The following CSMD1 variants were observed in gnomAD, a reference collection of about 807,000 sequenced individuals.
CSMD1 encodes CUB and sushi domain-containing protein 1.
A neutral mutation model predicts 417.5 loss-of-function variants in CSMD1; 213 were observed. The ratio of observed to expected loss-of-function variants is 0.51; its 90% CI spans 0.46 to 0.57. CSMD1 has a LOEUF of 0.57. Ranked by LOEUF, CSMD1 falls within the 20% of genes least tolerant of loss-of-function variation. The pLI is 0.00. For synonymous variants in CSMD1, 2,862 were observed against 1,736.8 expected, an observed-to-expected ratio of 1.65 and a Z score of -16.11; for missense variants, 6,923 against 4,529.7, an observed-to-expected ratio of 1.53 and a Z score of -15.17.
intron 5 of CSMD1, among the ~76,000 whole-genome samples, chr8:3,820,088 T>G (rs985375740): frequency 6.6e-6 from 1 of 152,170 alleles, no homozygotes; most frequent in African/African-American, 2.4e-5. Context: ...TGATTCTGCA[T>G]TTTCTTCAGG....
chr8:3,547,545 G>C (rs1453266566), intron 10 of CSMD1, among the ~76,000 whole-genome samples: 1 of 152,034 alleles, frequency 6.6e-6, no homozygotes, highest in Non-Finnish European at 1.5e-5. Context: ...TTTTTCCAAA[G>C]TCTCATACAA....
intron 3 of CSMD1, among the ~76,000 whole-genome samples, chr8:4,220,484 A>C (rs1032899922): frequency 6.6e-6 from 1 of 152,212 alleles, no homozygotes; most frequent in Admixed American, 6.5e-5. Flanking sequence ...ATTTTAAAAC[A>C]TCACTTTGTG....
chr8:4,874,687 G>A (rs192400810), intron 1 of CSMD1, among the ~76,000 whole-genome samples: 2 of 151,896 alleles, frequency 1.3e-5, no homozygotes, highest in Non-Finnish European at 2.9e-5. Flanking sequence ...ATGTAGAATA[G>A]CTAACAGTGA....
intron 3 of CSMD1, among the ~76,000 whole-genome samples, chr8:4,099,077 G>A (rs772444911): frequency 6.6e-6 from 1 of 151,918 alleles, no homozygotes; most frequent in East Asian, 1.9e-4. Context: ...CTTCATTCTA[G>A]ACATTATTTT....
chr8:4,840,955 A>G (rs1800805343), intron 1 of CSMD1, among the ~76,000 whole-genome samples: 2 of 152,212 alleles, frequency 1.3e-5, no homozygotes, highest in Admixed American at 1.3e-4. Context: ...CTTTTAAAAA[A>G]CAAGTGCACT....
chr8:3,532,316 C>T (rs575331474), intron 10 of CSMD1, among the ~76,000 whole-genome samples: 1 of 152,288 alleles, frequency 6.6e-6, no homozygotes, highest in African/African-American at 2.4e-5. Context: ...TCTGGGACAT[C>T]AGCCAGGGTT....
chr8:3,537,374 T>C (rs1041619999), intron 10 of CSMD1, among the ~76,000 whole-genome samples: 1 of 152,222 alleles, frequency 6.6e-6, no homozygotes, highest in Non-Finnish European at 1.5e-5. Flanking sequence ...AGTGTACTTT[T>C]TTTATACATC....
chr8:3,309,998 T>A (rs1271295095), intron 23 of CSMD1, among the ~76,000 whole-genome samples: 1 of 152,202 alleles, frequency 6.6e-6, no homozygotes, highest in Non-Finnish European at 1.5e-5. Flanking sequence ...AACCCTGATC[T>A]ATTTAAGAGA....
chr8:4,586,024 T>C (rs1022212340), intron 2 of CSMD1, among the ~76,000 whole-genome samples: 3 of 152,210 alleles, frequency 2.0e-5, no homozygotes, highest in Non-Finnish European at 4.4e-5. Flanking sequence ...CCTTTTTCAT[T>C]ATTATGCGCA....
chr8:3,348,471 C>G (rs1237416968), intron 21 of CSMD1, among the ~76,000 whole-genome samples: 1 of 152,308 alleles, frequency 6.6e-6, no homozygotes, highest in African/African-American at 2.4e-5. Flanking sequence ...GGCTCACTGG[C>G]TGTGTCGTCA....
At chr8:4,329,843 C>A (rs554250755) in intron 3 of CSMD1, among the ~76,000 whole-genome samples, 1 of 103,190 alleles carries the variant, frequency 9.7e-6, no homozygotes, top group Admixed American at 1.1e-4. Flanking sequence ...GTGGCACCAC[C>A]CTGCTTACAC....
Position 3,531,491 on chromosome 8 carries a change from T to C in CSMD1, c.1345-37765A>G, listed in dbSNP as rs184448495. On this transcript the variant is annotated intron_variant, in intron 10 of 69. Transcript: ENST00000635120. The stretch of plus-strand genomic sequence containing the variant: ...AGGTGATCCTGTCATTGTGAGATTA[T>C]TGAAATGCCCCAGGGTAGCATAAAG... Among the ~76,000 whole-genome samples, 345 of 152,226 alleles carry C rather than the reference T, an allele frequency of 2.3e-3. 1 individual carries two copies. In the Middle Eastern group the frequency reaches 0.031, roughly 14 times the overall value.
Position 3,205,458 on chromosome 8 carries a change from T to G in CSMD1, c.4984+46A>C, listed in dbSNP as rs372717606. ...TATCAAATGACAGAAAAATTAACACTGAAAGGAAATATGACAATGAATTAA... is the reference window on the plus strand; with the variant it reads ...TATCAAATGACAGAAAAATTAACACGGAAAGGAAATATGACAATGAATTAA... On this transcript the variant is annotated intron_variant, in intron 31 of 69. Coordinates refer to ENST00000635120, the MANE Select transcript of CSMD1 (RefSeq NM_033225.6). The G allele has an allele frequency of 7.2e-5, 70 of 971,470 alleles. No homozygotes were observed. In the African/African-American group the frequency reaches 1.1e-3, roughly 15 times the overall value. The allele number at this position is 971,470 out of a possible 1,614,324, so 60.2% of individuals were successfully genotyped here.
chr8:4,481,239 T>G (rs1466959562), intron 2 of CSMD1, among the ~76,000 whole-genome samples: 1 of 152,216 alleles, frequency 6.6e-6, no homozygotes, highest in Non-Finnish European at 1.5e-5. Flanking sequence ...GAGTCCAAAT[T>G]TAGATTTGTA....
chr8:3,034,505 G>A (rs779659256), intron 50 of CSMD1, among the ~76,000 whole-genome samples: 21 of 151,982 alleles, frequency 1.4e-4, no homozygotes, highest in Non-Finnish European at 2.8e-4. Flanking sequence ...AAATATATAT[G>A]TATACAAACA....
At chr8:3,882,732 G>A (rs1010672486) in intron 5 of CSMD1, among the ~76,000 whole-genome samples, 4 of 152,192 alleles carry the variant, frequency 2.6e-5, no homozygotes, top group South Asian at 2.1e-4. Flanking sequence ...AACAATGTAG[G>A]TGAATGTCAC....
chr8:3,499,220 A>G (rs540171352), intron 10 of CSMD1, among the ~76,000 whole-genome samples: 2 of 152,298 alleles, frequency 1.3e-5, no homozygotes, highest in South Asian at 4.1e-4. Context: ...CTGCATGAGT[A>G]CAGTAGTGCA....
intron 5 of CSMD1, among the ~76,000 whole-genome samples, chr8:3,891,745 G>A (rs1376285367): frequency 1.3e-5 from 2 of 152,012 alleles, no homozygotes; most frequent in African/African-American, 4.8e-5. Context: ...GTATAACACT[G>A]ACTGGAGACT....
intron 1 of CSMD1, among the ~76,000 whole-genome samples, chr8:4,656,368 A>G (rs1265700004): frequency 1.3e-5 from 2 of 152,080 alleles, no homozygotes; most frequent in Admixed American, 6.5e-5. Context: ...CAAAGTTGCC[A>G]TGATATTCAG....
Sources: gnomAD v4.1 joint callset for allele counts (sites outside exome capture counted in the v4.1 genomes callset) on GRCh38, gnomAD v4.1.1 for gene constraint, MANE v1.5 for transcripts, NCBI Gene and HGNC (gene_info 2026-07-23, HGNC 2026-07-21) for gene names.